Variants in TRIM2 observed in about 807,000 individuals in gnomAD.
The protein encoded by TRIM2 is tripartite motif-containing protein 2.
TRIM2 carries 20 observed loss-of-function variants against 75.2 expected under a neutral mutation model. That is an observed-to-expected ratio of 0.27 (90% CI 0.19 to 0.39). The LOEUF is 0.39. TRIM2 is among the 10% of genes least tolerant of loss of function. The pLI is 1.00. For synonymous variants in TRIM2, 373 were observed against 388.3 expected (o/e 0.96, Z 0.46); for missense variants, 660 against 990.8 (o/e 0.67, Z 4.48).
At chr4:153,249,709 T>C (rs1750361043) in intron 1 of TRIM2, among the ~76,000 whole-genome samples, 1 of 152,170 alleles carries the variant, frequency 6.6e-6, no homozygotes, top group South Asian at 2.1e-4. Flanking sequence ...CCCAGCCCTG[T>C]AGTCAAAACC....
At chr4:153,212,868 C>G (rs1193195428) in intron 1 of TRIM2, among the ~76,000 whole-genome samples, 3 of 152,112 alleles carry the variant, frequency 2.0e-5, no homozygotes, top group Admixed American at 6.6e-5. Context: ...TTTCCAGTTC[C>G]TTTGCATGGT....
Position 153,338,273 on chromosome 4 carries a change from T to A in TRIM2, c.*3307T>A. The A allele has an allele frequency of 1.0e-6, 1 of 985,844 alleles. No homozygotes were observed. Among genetic ancestry groups the A allele is most frequent in the Non-Finnish European group, 1.2e-6 (1 of 829,916 alleles). 61.1% of individuals were successfully genotyped at this position (985,844 alleles called of 1,614,324 possible). A position where few individuals can be genotyped will look rare whatever the true frequency, so the allele number is the denominator to read the frequency against. ...TACCTACTTAGTTAATTGGAGGAAG[T>A]AGTAAATAAACATTAGGTAATCTGC... On this transcript the variant is annotated 3_prime_UTR_variant, in exon 12 of 12. Coordinates refer to ENST00000338700, the MANE Select transcript of TRIM2 (RefSeq NM_015271.5).
intron 1 of TRIM2, among the ~76,000 whole-genome samples, chr4:153,235,564 G>A (rs1437282044): frequency 6.6e-6 from 1 of 152,160 alleles, no homozygotes; most frequent in African/African-American, 2.4e-5. Flanking sequence ...GGGATTACAG[G>A]TGTGAGCCAT....
intron 1 of TRIM2, among the ~76,000 whole-genome samples, chr4:153,245,166 C>T (rs113745293): frequency 1.1e-4 from 17 of 152,310 alleles, no homozygotes; most frequent in African/African-American, 3.4e-4. Context: ...GGTGATCATG[C>T]GTCTAAGGAA....
chr4:153,249,959 A>G (rs1750449250), intron 1 of TRIM2, among the ~76,000 whole-genome samples: 1 of 152,222 alleles, frequency 6.6e-6, no homozygotes, highest in Non-Finnish European at 1.5e-5. Context: ...TCTCGAGGCC[A>G]AGCAATGGGC....
intron 6 of TRIM2, 41 bp from the exon 7 acceptor site, chr4:153,315,444 C>T (rs1177028258): frequency 6.1e-6 from 9 of 1,480,160 alleles, no homozygotes; most frequent in Admixed American, 2.1e-5. Context: ...GAAATCTAAC[C>T]CTTTAGTGCT....
Position 153,276,007 on chromosome 4 carries a change from C to A in TRIM2, c.330C>A (p.Ile110=). 1.9e-6 allele frequency: 3 copies of A among 1,614,238 alleles called. No homozygotes were observed. The highest frequency in any genetic ancestry group is 2.5e-6 in the Non-Finnish European group (3 of 1,180,046). The change falls in exon 3 of 12, where the codon ATC becomes ATA. Residue 110 remains isoleucine (I), a synonymous_variant. Transcript: ENST00000338700. ...CCGCGCTCCAGAACAATTTCTTCAT[C>A]ACAAACCTGATGGACGTGCTGCAGC... ...GVAALQNNFF[I]TNLMDVLQRT... is the part of the protein sequence containing the mutation.
chr4:153,222,262 T>A (rs1740792845), intron 1 of TRIM2: 1 of 152,092 alleles, frequency 6.6e-6, no homozygotes, highest in African/African-American at 2.4e-5. Context: ...TTGCTTATAA[T>A]GAACTGTCAT....
chr4:153,337,728 G>T lies in TRIM2; in HGVS notation c.*2762G>T, dbSNP rs1054286129. On this transcript the variant is annotated 3_prime_UTR_variant, in exon 12 of 12. Transcript: ENST00000338700. Reference sequence around the variant, plus strand: ...ATATTAAAATAAGTGGCTTTTTTCTGGGCTACCATTATTGTTTGATTTCTC... The same window carrying T: ...ATATTAAAATAAGTGGCTTTTTTCTTGGCTACCATTATTGTTTGATTTCTC... 1.4e-5 allele frequency: 14 copies of T among 985,542 alleles called. No individual in the cohort carries two copies. The highest frequency in any genetic ancestry group is 1.7e-5 in the Non-Finnish European group (14 of 829,890). The allele number at this position is 985,542 out of a possible 1,614,324, so 61.0% of individuals were successfully genotyped here. A position where few individuals can be genotyped will look rare whatever the true frequency, so the allele number is the denominator to read the frequency against.
At chr4:153,265,220 A>G (rs910497905) in intron 1 of TRIM2, among the ~76,000 whole-genome samples, 5 of 152,122 alleles carry the variant, frequency 3.3e-5, no homozygotes, top group Admixed American at 1.3e-4. Context: ...TTCAATACCC[A>G]GCATGGCTCT....
intron 1 of TRIM2, among the ~76,000 whole-genome samples, chr4:153,214,656 C>T (rs563804648): frequency 1.9e-4 from 29 of 152,282 alleles, no homozygotes; most frequent in African/African-American, 6.7e-4. Context: ...ATGCCTCTTT[C>T]GTATTTCTTA....
At chr4:153,235,290 T>G (rs1293831349) in intron 1 of TRIM2, among the ~76,000 whole-genome samples, 1 of 145,478 alleles carries the variant, frequency 6.9e-6, no homozygotes, top group Non-Finnish European at 1.5e-5. Flanking sequence ...TTAAGATAAT[T>G]TTTTTTTTTT....
chr4:153,195,727 CT>C (rs1196397166), intron 1 of TRIM2, among the ~76,000 whole-genome samples: 18 of 152,270 alleles, frequency 1.2e-4, no homozygotes, highest in African/African-American at 3.6e-4. Context: ...GCTGTTTGTT[CT>C]TCATTCTCTG....
rs1265758563 is a variant in TRIM2, at chr4:153,276,031, G to A, written c.354G>A (p.Gln118=). 1 of 1,614,110 alleles carries A rather than the reference G, an allele frequency of 6.2e-7. No homozygotes were observed. The highest frequency in any genetic ancestry group is 8.5e-7 in the Non-Finnish European group (1 of 1,180,056). Residue 118 remains glutamine, a synonymous_variant, in exon 3 of 12, where the codon CAG becomes CAA. Coordinates refer to ENST00000338700, the MANE Select transcript of TRIM2 (RefSeq NM_015271.5). ...FFITNLMDVL[Q]RTPGSNAEES... ...TCACAAACCTGATGGACGTGCTGCA[G>A]CGAACTCCAGGCAGCAACGCTGAGG...
At chr4:153,207,213 C>T (rs1735713383) in intron 1 of TRIM2, among the ~76,000 whole-genome samples, 1 of 152,186 alleles carries the variant, frequency 6.6e-6, no homozygotes, top group African/African-American at 2.4e-5. Flanking sequence ...CTCTCTGTGC[C>T]CCAGTTCCCT....
At chr4:153,308,000 A>G in intron 6 of TRIM2, 1 of 763,086 alleles carries the variant, frequency 1.3e-6, no homozygotes, top group Non-Finnish European at 2.5e-6. Flanking sequence ...GGTTCAGGAA[A>G]GAATTTTCCA....
chr4:153,295,795 G>A lies in TRIM2; in HGVS notation c.1269G>A (p.Gln423=). 6.2e-7 allele frequency: 1 copy of A among 1,614,132 alleles called. No homozygotes were observed. Among genetic ancestry groups the A allele is most frequent in the East Asian group, 2.2e-5 (1 of 44,878 alleles). ...NGTYEFLYTV[Q]KEGDFTLSLR... is the part of the protein sequence containing the mutation. ...CCTATGAGTTTTTGTACACTGTCCA[G>A]AAGGAAGGGGACTTTACCCTGTCTC... The change falls in exon 6 of 12, where the codon CAG becomes CAA. Residue 423 remains glutamine, a synonymous_variant. Transcript: ENST00000338700. The surrounding 1 kb of genome is among the most constrained non-coding windows in gnomAD (Gnocchi z 7.2).
In TRIM2 at chr4:153,248,377, C is replaced by T. The variant is rs535603154; in HGVS notation, c.31-21958C>T. ...TGTAGTCAGTACCCTTGTCATCCCC[C>T]GTACACTTGAGGTAATTGAGGAATA... On this transcript the variant is annotated intron_variant, in intron 1 of 11. Coordinates refer to ENST00000338700, the MANE Select transcript of TRIM2 (RefSeq NM_015271.5). This position sits in a 1 kb window ranked among gnomAD's most constrained non-coding sequence, Gnocchi z 4.0. 4.1e-4 allele frequency among the ~76,000 whole-genome samples: 62 copies of T among 152,174 alleles called. No individual in the cohort carries two copies. The highest frequency in any genetic ancestry group is 2.1e-4 in the South Asian group (1 of 4,834).
chr4:153,234,110 T>C (rs1744378018), intron 1 of TRIM2, among the ~76,000 whole-genome samples: 1 of 152,154 alleles, frequency 6.6e-6, no homozygotes, highest in South Asian at 2.1e-4. Flanking sequence ...CCATAAATAC[T>C]CCTGACAGGT....
Sources: allele counts gnomAD v4.1 joint callset (sites outside exome capture counted in the v4.1 genomes callset), GRCh38; gene constraint gnomAD v4.1.1; non-coding constraint Gnocchi (gnomAD v3.1); transcripts MANE v1.5; gene names NCBI Gene and HGNC (gene_info 2026-07-23, HGNC 2026-07-21).